Variants in ZNF540 observed in about 807,000 individuals in gnomAD.
The protein encoded by ZNF540 is zinc finger protein 540, also known as CTD-3064H18.6.
A neutral mutation model predicts 11.8 loss-of-function variants in ZNF540; 3 were observed. That is an observed-to-expected ratio of 0.25 (90% CI 0.12 to 0.65). ZNF540 has a LOEUF of 0.65. Among genes scored for constraint, ZNF540 ranks in the 30% least tolerant of loss-of-function variants. ZNF540 has a pLI of 0.83. For missense variants in ZNF540, 709 were observed against 793.1 expected (o/e 0.89, Z 1.27); for synonymous variants, 247 against 259.0 (o/e 0.95, Z 0.45).
chr19:37,572,939 A>G (rs2043116058), intron 1 of ZNF540, among the ~76,000 whole-genome samples: 2 of 152,186 alleles, frequency 1.3e-5, no homozygotes, highest in Admixed American at 1.3e-4. Context: ...CAAACTTTAA[A>G]ACTGACACTC....
intron 1 of ZNF540, chr19:37,565,845 A>G (rs2042837343): frequency 6.2e-7 from 1 of 1,613,874 alleles, no homozygotes; most frequent in Admixed American, 1.7e-5. Flanking sequence ...ATACACTCAT[A>G]AGGTTTCTCA....
upstream of ZNF540, chr19:37,594,669 C>G (rs992884379): frequency 2.2e-4 from 34 of 152,272 alleles, no homozygotes; most frequent in African/African-American, 7.5e-4. Context: ...TTCCCAGCAC[C>G]ATACAAGAAC....
At chr19:37,558,703 C>G (rs1216914927) in intron 1 of ZNF540, among the ~76,000 whole-genome samples, 1 of 152,142 alleles carries the variant, frequency 6.6e-6, no homozygotes, top group East Asian at 1.9e-4. Context: ...GCCAGCATGT[C>G]TCTGTTATCT....
chr19:37,566,168 C>T, intron 1 of ZNF540: 1 of 1,613,990 alleles, frequency 6.2e-7, no homozygotes, highest in Non-Finnish European at 8.5e-7. Context: ...CATATTGTCT[C>T]CAAGACCATT....
At chr19:37,584,290 C>G (rs971350095) in intron 1 of ZNF540, 4 of 617,132 alleles carry the variant, frequency 6.5e-6, no homozygotes, top group South Asian at 4.4e-5. Flanking sequence ...TACAATAGAA[C>G]AATTCCATTA....
intron 1 of ZNF540, chr19:37,563,355 A>G (rs982431991): frequency 1.3e-5 from 2 of 152,070 alleles, no homozygotes; most frequent in Non-Finnish European, 2.9e-5. Flanking sequence ...AAAAAGACAA[A>G]AAGACCAAAA....
chr19:37,565,457 T>C (rs1427996928), intron 1 of ZNF540: 3 of 1,613,050 alleles, frequency 1.9e-6, no homozygotes, highest in East Asian at 2.2e-5. Flanking sequence ...TCTCTGATGG[T>C]ATGTAAGGTG....
intron 1 of ZNF540, among the ~76,000 whole-genome samples, chr19:37,577,624 ACT>A (rs1367087229): frequency 6.6e-6 from 1 of 152,206 alleles, no homozygotes; most frequent in African/African-American, 2.4e-5. Context: ...CCACAGACTA[ACT>A]CATATATGTA....
chr19:37,566,441 C>A, intron 1 of ZNF540: 1 of 848,074 alleles, frequency 1.2e-6, no homozygotes, highest in Non-Finnish European at 1.7e-6. Flanking sequence ...TCTTTAAAGG[C>A]ACAAGGAGAG....
intron 1 of ZNF540, chr19:37,565,134 T>G (rs1182387399): frequency 6.2e-7 from 1 of 1,612,284 alleles, no homozygotes; most frequent in South Asian, 1.1e-5. Context: ...CTAAGTTGTT[T>G]GCCACAAATA....
chr19:37,574,425 A>C, intron 1 of ZNF540, among the ~76,000 whole-genome samples: 1 of 152,100 alleles, frequency 6.6e-6, no homozygotes, highest in East Asian at 1.9e-4. Context: ...ATTTTCACTA[A>C]ATTTTTTTAT....
intron 1 of ZNF540, among the ~76,000 whole-genome samples, chr19:37,579,766 T>C (rs928860795): frequency 6.6e-6 from 1 of 152,118 alleles, no homozygotes. Context: ...CTTTTATTAC[T>C]CTCTCTCCCA....
At chr19:37,565,577 C>CT (rs2042825582) in intron 1 of ZNF540, 1 of 1,613,402 alleles carries the variant, frequency 6.2e-7, no homozygotes, top group Admixed American at 1.7e-5. Flanking sequence ...GGCCTTCCCA[C>CT]AATCCTTACA....
At chr19:37,583,007 A>G (rs1426071583) in intron 1 of ZNF540, among the ~76,000 whole-genome samples, 2 of 152,310 alleles carry the variant, frequency 1.3e-5, no homozygotes, top group East Asian at 1.9e-4. Flanking sequence ...GTCCTACATG[A>G]TTTGACCTCT....
At chr19:37,563,636 A>T (rs1225457483) in intron 1 of ZNF540, 33 of 151,304 alleles carry the variant, frequency 2.2e-4, no homozygotes, top group Non-Finnish European at 1.5e-5. Context: ...ACATATGTGG[A>T]ATATATACAC....
In ZNF540 at chr19:37,613,358, T is replaced by C; in HGVS notation, c.*95T>C. 1 of 904,834 alleles carries C rather than the reference T, an allele frequency of 1.1e-6. No individual in the cohort carries two copies. The highest frequency in any genetic ancestry group is 1.6e-6 in the Non-Finnish European group (1 of 643,850). The allele number at this position is 904,834 out of a possible 1,614,324, so 56.1% of individuals were successfully genotyped here. Reference sequence around the variant, plus strand: ...CAATGTGTTGATGTTTTTTTACACATATTAACTTAATAAATGTATGAGTCT... The same window carrying C: ...CAATGTGTTGATGTTTTTTTACACACATTAACTTAATAAATGTATGAGTCT... On this transcript the variant is annotated 3_prime_UTR_variant, in exon 5 of 5. Coordinates refer to ENST00000316433, the MANE Select transcript of ZNF540 (RefSeq NM_001172225.3).
chr19:37,556,293 A>G (rs2042659109), intron 1 of ZNF540: 3 of 600,302 alleles, frequency 5.0e-6, no homozygotes, highest in African/African-American at 1.9e-5. Flanking sequence ...CGCAAAGGAC[A>G]TAACAGGCAA....
intron 4 of ZNF540, among the ~76,000 whole-genome samples, chr19:37,609,387 C>G (rs2044110097): frequency 6.6e-6 from 1 of 150,668 alleles, no homozygotes; most frequent in African/African-American, 2.4e-5. Context: ...ACTAAAAATA[C>G]CAAAAAATTA....
chr19:37,586,769 AG>A, intron 1 of ZNF540: 2 of 1,364,808 alleles, frequency 1.5e-6, no homozygotes, highest in Non-Finnish European at 2.1e-6. Flanking sequence ...AGAAGCCACA[AG>A]ATTAGACTTG....
Sources: gnomAD v4.1 joint callset for allele counts (sites outside exome capture counted in the v4.1 genomes callset) on GRCh38, gnomAD v4.1.1 for gene constraint, MANE v1.5 for transcripts, NCBI Gene and HGNC (gene_info 2026-07-23, HGNC 2026-07-21) for gene names.